The following KIF13A variants were observed in gnomAD, a reference collection of about 807,000 sequenced individuals.
The protein encoded by KIF13A is kinesin family member 13A.
Under a neutral mutation model 212.2 loss-of-function variants are expected in KIF13A, and 79 were observed. That is an observed-to-expected ratio of 0.37 (90% confidence interval 0.31 to 0.45). The LOEUF (loss-of-function observed/expected upper bound fraction) is 0.45. Ranked by LOEUF, KIF13A falls within the 20% of genes least tolerant of loss-of-function variation. KIF13A has a pLI of 1.00. For synonymous variants in KIF13A, 789 were observed against 808.6 expected, an observed-to-expected ratio of 0.98 and a Z score of 0.41; for missense variants, 1,901 against 2,209.0, an observed-to-expected ratio of 0.86 and a Z score of 2.79.
intron 4 of KIF13A, among the ~76,000 whole-genome samples, chr6:17,863,336 G>A (rs537181616): frequency 4.0e-5 from 6 of 151,490 alleles, no homozygotes; most frequent in Admixed American, 3.9e-4. Context: ...GCCAGGGTAT[G>A]CTAATCCATA....
chr6:17,867,485 T>C (rs893085501), intron 4 of KIF13A, among the ~76,000 whole-genome samples: 1 of 152,246 alleles, frequency 6.6e-6, no homozygotes, highest in Non-Finnish European at 1.5e-5. Context: ...CTAACAATTA[T>C]TGAGTGTTTC....
rs1759605528 is a variant in KIF13A, at chr6:17,772,719, A to C, written c.4325-660T>G. 6.6e-6 allele frequency among the ~76,000 whole-genome samples: 1 copy of C among 152,212 alleles called. No homozygotes were observed. The highest frequency in any genetic ancestry group is 2.4e-5 in the African/African-American group (1 of 41,466). On this transcript the variant is annotated intron_variant, in intron 36 of 38. Transcript: ENST00000259711. This position sits in a 1 kb window ranked among gnomAD's most constrained non-coding sequence, Gnocchi z 4.8. ...TCATTTAACATCTCATTTTCTGTGT[A>C]TCTTATTTCCATAGTTATAAGACAG...
chr6:17,802,938 TTTTG>T (rs1294911925), intron 20 of KIF13A, among the ~76,000 whole-genome samples: 5 of 138,518 alleles, frequency 3.6e-5, no homozygotes, highest in Non-Finnish European at 4.8e-5. Flanking sequence ...TTTTGTTTTT[TTTTG>T]TTTTGTTTTG....
At chr6:17,910,251 C>A (rs922513204) in intron 2 of KIF13A, among the ~76,000 whole-genome samples, 1 of 152,172 alleles carries the variant, frequency 6.6e-6, no homozygotes, top group South Asian at 2.1e-4. Context: ...TTACCCATAT[C>A]GCTAGCTAGA....
At chr6:17,894,893 T>C (rs1772423387) in intron 3 of KIF13A, among the ~76,000 whole-genome samples, 1 of 152,192 alleles carries the variant, frequency 6.6e-6, no homozygotes, top group South Asian at 2.1e-4. Flanking sequence ...TCCCAGGGAT[T>C]GATAGAAAGG....
intron 4 of KIF13A, among the ~76,000 whole-genome samples, chr6:17,862,337 G>A (rs1321173729): frequency 2.6e-5 from 4 of 152,102 alleles, no homozygotes; most frequent in East Asian, 1.9e-4. Context: ...ACCATAGTGC[G>A]TGGCCAGTAT....
chr6:17,984,287 A>G lies in KIF13A; in HGVS notation c.146+2767T>C, dbSNP rs759723233. On this transcript the variant is annotated intron_variant, in intron 2 of 38. Coordinates refer to ENST00000259711, the MANE Select transcript of KIF13A (RefSeq NM_022113.6). The surrounding 1 kb of genome is among the most constrained non-coding windows in gnomAD (Gnocchi z 5.0). The stretch of plus-strand genomic sequence containing the variant: ...TGGTGTAGGTACTGGATCCACAAGT[A>G]TCTTTGAATCCCCTATGCTGAGCAT... Among the ~76,000 whole-genome samples the G allele has an allele frequency of 2.0e-5, 3 of 152,198 alleles. No individual in the cohort carries two copies. Among genetic ancestry groups the G allele is most frequent in the Non-Finnish European group, 4.4e-5 (3 of 68,038 alleles).
chr6:17,920,445 T>C (rs1774958477), intron 2 of KIF13A, among the ~76,000 whole-genome samples: 1 of 152,160 alleles, frequency 6.6e-6, no homozygotes, highest in Non-Finnish European at 1.5e-5. Context: ...AAAAAGAAAA[T>C]TTTGGTCTGG....
At chr6:17,890,729 C>T (rs564025797) in intron 3 of KIF13A, among the ~76,000 whole-genome samples, 6 of 150,570 alleles carry the variant, frequency 4.0e-5, no homozygotes, top group Admixed American at 6.6e-5. Context: ...TGGGCTCAAG[C>T]GATCTTCCCA....
chr6:17,798,421 T>TA (rs1351412930), intron 22 of KIF13A, among the ~76,000 whole-genome samples: 5 of 152,240 alleles, frequency 3.3e-5, no homozygotes, highest in African/African-American at 1.2e-4. Flanking sequence ...AAATGATTAA[T>TA]AAAGATTTTG....
downstream of KIF13A, among the ~76,000 whole-genome samples, chr6:17,762,213 A>T (rs1581832843): frequency 2.2e-5 from 3 of 138,822 alleles, no homozygotes; most frequent in East Asian, 4.3e-4. Flanking sequence ...GTGAATTTGA[A>T]TTTTTTTTTT....
At chr6:17,805,370 CGTGTGTGTGTGTGTGTGTGTGTGTGT>C in intron 19 of KIF13A, 79 bp downstream of exon 19, 5 of 737,182 alleles carry the variant, frequency 6.8e-6, no homozygotes, top group Non-Finnish European at 9.0e-6. Context: ...AGCACATCTC[CGTGTGTGTGTGTGTGTGTGTGTGTGT>C]GTGTGTGTGT....
intron 2 of KIF13A, among the ~76,000 whole-genome samples, chr6:17,981,024 C>CTT (rs71687340): frequency 2.1e-5 from 3 of 142,656 alleles, no homozygotes; most frequent in Non-Finnish European, 4.6e-5. Flanking sequence ...AAGAGGGGGA[C>CTT]TTTTTTTTTT....
In KIF13A at chr6:17,768,898, T is replaced by A. The variant is rs1249506123; in HGVS notation, c.4581+2216A>T. Among the ~76,000 whole-genome samples, 1 of 152,184 alleles carries A rather than the reference T, an allele frequency of 6.6e-6. No individual in the cohort carries two copies. The highest frequency in any genetic ancestry group is 2.4e-5 in the African/African-American group (1 of 41,454). ...TTGCTTCTGTCTTAGTCATGAGACA[T>A]GAAGTACATCTGTATGTCTTCCCAA... On this transcript the variant is annotated intron_variant, in intron 38 of 38. Transcript: ENST00000259711. This position sits in a 1 kb window ranked among gnomAD's most constrained non-coding sequence, Gnocchi z 5.4.
intron 2 of KIF13A, among the ~76,000 whole-genome samples, chr6:17,925,201 G>C (rs1400526748): frequency 6.6e-6 from 1 of 152,230 alleles, no homozygotes; most frequent in African/African-American, 2.4e-5. Context: ...AAGATGTTAG[G>C]AAATAGTCTT....
chr6:17,874,999 G>GCGCACACACA lies in KIF13A; in HGVS notation c.160-1563_160-1562insTGTGTGTGCG, dbSNP rs913365480. 1.3e-4 allele frequency among the ~76,000 whole-genome samples: 16 copies of GCGCACACACA among 120,330 alleles called. No homozygotes were observed. The East Asian group carries it at 1.6e-3, about 12-fold the overall frequency. 78.9% of individuals were successfully genotyped at this position (120,330 alleles called of 152,430 possible). A position where few individuals can be genotyped will look rare whatever the true frequency, so the allele number is the denominator to read the frequency against. ...CCACCACACACACACACACGCACAC[G>GCGCACACACA]CACGCACACACACACACACACACAC... On this transcript the variant is annotated intron_variant, in intron 3 of 38. Coordinates refer to ENST00000259711, the MANE Select transcript of KIF13A (RefSeq NM_022113.6).
chr6:17,831,028 C>T lies in KIF13A; in HGVS notation c.1401+73G>A, dbSNP rs983639211. 3 of 1,412,434 alleles carry T rather than the reference C, an allele frequency of 2.1e-6. No individual in the cohort carries two copies. In the African/African-American group the frequency reaches 4.3e-5, roughly 20 times the overall value. 87.5% of individuals were successfully genotyped at this position (1,412,434 alleles called of 1,614,324 possible). ...GATACAAAAAGCAACATCACAGAGA[C>T]AGGCACCCAGATTCAACTACGAACT... On this transcript the variant is annotated intron_variant, in intron 13 of 38. Coordinates refer to ENST00000259711, the MANE Select transcript of KIF13A (RefSeq NM_022113.6).
At chr6:17,831,823 CTCATT>C (rs1765480935) in intron 12 of KIF13A, among the ~76,000 whole-genome samples, 1 of 150,858 alleles carries the variant, frequency 6.6e-6, no homozygotes, top group Non-Finnish European at 1.5e-5. Flanking sequence ...CTTGTATTCA[CTCATT>C]CATTCATTCA....
In KIF13A at chr6:17,921,043, C is replaced by T. The variant is rs545660472; in HGVS notation, c.147-22863G>A. ...CTGAGGCCTACTAGGCAAATGGAAC[C>T]AATGGAAACAATGAAAAATACATAA... On this transcript the variant is annotated intron_variant, in intron 2 of 38. Coordinates refer to ENST00000259711, the MANE Select transcript of KIF13A (RefSeq NM_022113.6). 9.2e-5 allele frequency among the ~76,000 whole-genome samples: 14 copies of T among 152,030 alleles called. No individual in the cohort carries two copies. In the South Asian group the frequency reaches 2.9e-3, roughly 32 times the overall value.
Sources: allele counts gnomAD v4.1 joint callset (sites outside exome capture counted in the v4.1 genomes callset), GRCh38; gene constraint gnomAD v4.1.1; non-coding constraint Gnocchi (gnomAD v3.1); transcripts MANE v1.5; gene names NCBI Gene and HGNC (gene_info 2026-07-23, HGNC 2026-07-21).